ACCSL: variants seen among roughly 807,000 people sequenced by gnomAD.
ACCSL encodes 1-aminocyclopropane-1-carboxylate synthase homolog (inactive) like.
In ACCSL, 55 loss-of-function variants were observed where a neutral mutation model predicts 61.7. The observed-to-expected ratio is 0.89, with a 90% CI of 0.72 to 1.12. The LOEUF is 1.12. Among genes scored for constraint, ACCSL ranks in the 50% most tolerant of loss-of-function variants. The pLI is 0.00. For synonymous variants in ACCSL, 258 were observed against 264.3 expected (o/e 0.98, Z 0.23); for missense variants, 632 against 698.0 (o/e 0.91, Z 1.07).
upstream of ACCSL, among the ~76,000 whole-genome samples, chr11:44,045,159 C>T (rs1467483216): frequency 6.6e-6 from 1 of 152,126 alleles, no homozygotes; most frequent in East Asian, 1.9e-4. Flanking sequence ...TTTTTGGGAC[C>T]ATGCATGGTG....
the ACCSL span, chr11:43,943,542 TGA>T: frequency 7.6e-7 from 1 of 1,321,988 alleles, no homozygotes; most frequent in South Asian, 1.2e-5. This position sits in a 1 kb window ranked among gnomAD's most constrained non-coding sequence, Gnocchi z 4.8. Flanking sequence ...AACTCTGCTG[TGA>T]GTGTGTGCGG....
chr11:43,950,251 C>T, the ACCSL span, among the ~76,000 whole-genome samples: 2 of 152,172 alleles, frequency 1.3e-5, no homozygotes, highest in African/African-American at 4.8e-5. Context: ...TGTATAAAAC[C>T]AACCTGTGCC....
At chr11:44,010,546 T>A in the ACCSL span, among the ~76,000 whole-genome samples, 4 of 152,188 alleles carry the variant, frequency 2.6e-5, no homozygotes, top group East Asian at 7.7e-4. Flanking sequence ...GTGGATAACA[T>A]GGAAGAAAAA....
the ACCSL span, among the ~76,000 whole-genome samples, chr11:43,923,223 A>G: frequency 1.3e-5 from 2 of 152,178 alleles, no homozygotes; most frequent in Non-Finnish European, 2.9e-5. Flanking sequence ...GGTTTCAGAG[A>G]AAGTCTTGAC....
intron 7 of ACCSL, 23 bp from the exon 8 acceptor site, chr11:44,053,383 A>G: frequency 6.2e-7 from 1 of 1,604,822 alleles, no homozygotes; most frequent in Non-Finnish European, 8.5e-7. Flanking sequence ...GTATTCACTC[A>G]GTTATATTTG....
the ACCSL span, among the ~76,000 whole-genome samples, chr11:43,967,167 CTTTTTTTTTT>C: frequency 1.4e-4 from 9 of 62,706 alleles, 1 homozygote; most frequent in Admixed American, 1.1e-3. Flanking sequence ...TCTTCTTCTT[CTTTTTTTTTT>C]TTTTTTTTTT....
chr11:43,993,279 C>T, the ACCSL span, among the ~76,000 whole-genome samples: 1 of 152,088 alleles, frequency 6.6e-6, no homozygotes, highest in Non-Finnish European at 1.5e-5. Context: ...AGGGGTAACT[C>T]CGTGCATCCC....
the ACCSL span, chr11:43,943,684 C>T: frequency 7.7e-7 from 1 of 1,304,620 alleles, no homozygotes; most frequent in Non-Finnish European, 1.0e-6. This position sits in a 1 kb window ranked among gnomAD's most constrained non-coding sequence, Gnocchi z 4.8. Context: ...CACGCCAACA[C>T]TCTCGCTGAA....
At chr11:44,007,393 G>C in the ACCSL span, among the ~76,000 whole-genome samples, 1 of 152,206 alleles carries the variant, frequency 6.6e-6, no homozygotes, top group African/African-American at 2.4e-5. Context: ...GGCCCCACTT[G>C]GATGTGGAAT....
At chr11:44,028,226 G>T in the ACCSL span, among the ~76,000 whole-genome samples, 3 of 151,962 alleles carry the variant, frequency 2.0e-5, no homozygotes, top group Non-Finnish European at 4.4e-5. Flanking sequence ...TGGTGCAGGT[G>T]GTATGTTGTC....
At chr11:44,021,812 A>T in the ACCSL span, among the ~76,000 whole-genome samples, 1 of 152,064 alleles carries the variant, frequency 6.6e-6, no homozygotes, top group Non-Finnish European at 1.5e-5. Flanking sequence ...ACAGATGAGG[A>T]TCCAGTTTCA....
the ACCSL span, chr11:43,943,558 G>A: frequency 3.8e-6 from 5 of 1,317,170 alleles, no homozygotes; most frequent in Middle Eastern, 8.3e-4. The surrounding 1 kb of genome is among the most constrained non-coding windows in gnomAD (Gnocchi z 4.8). Context: ...TGTGCGGGGA[G>A]GCGCGCCCGC....
At chr11:44,005,668 G>A in the ACCSL span, among the ~76,000 whole-genome samples, 130,914 of 152,102 alleles carry the variant, frequency 0.86, 56,487 homozygotes, top group African/African-American at 0.91. Flanking sequence ...TTCCCCGGAC[G>A]TGCCCAGATT....
At chr11:43,998,869 C>T in the ACCSL span, among the ~76,000 whole-genome samples, 1 of 151,880 alleles carries the variant, frequency 6.6e-6, no homozygotes, top group Non-Finnish European at 1.5e-5. Context: ...AGGTGATCCT[C>T]CCACCTCAGC....
At chr11:44,028,497 C>T in the ACCSL span, among the ~76,000 whole-genome samples, 2 of 152,210 alleles carry the variant, frequency 1.3e-5, no homozygotes, top group African/African-American at 4.8e-5. Flanking sequence ...TAAACAGCTA[C>T]ATGTGACTAG....
chr11:43,936,525 AG>A, the ACCSL span, among the ~76,000 whole-genome samples: 1 of 148,488 alleles, frequency 6.7e-6, no homozygotes, highest in Non-Finnish European at 1.5e-5. Flanking sequence ...ACTGGCACCC[AG>A]GGGCATTGCT....
At chr11:43,985,780 C>T in the ACCSL span, among the ~76,000 whole-genome samples, 3 of 152,290 alleles carry the variant, frequency 2.0e-5, no homozygotes, top group Non-Finnish European at 4.4e-5. Flanking sequence ...TCAGGCTGGG[C>T]GCAGTGGCTC....
Position 44,059,221 on chromosome 11 carries a change from G to T in ACCSL, c.1624+522G>T, listed in dbSNP as rs1025885779. Among the ~76,000 whole-genome samples the T allele has an allele frequency of 2.0e-5, 3 of 152,254 alleles. No individual in the cohort carries two copies. The South Asian group carries it at 6.2e-4, about 32-fold the overall frequency. On this transcript the variant is annotated intron_variant, in intron 13 of 13. Transcript: ENST00000378832. ...TGCGCCACTGCACTCCAGCCTGGGC[G>T]ACAGAGTGAGACTGTTTCAAGAAAA... is the stretch of plus-strand genomic sequence containing the variant.
the ACCSL span, among the ~76,000 whole-genome samples, chr11:44,010,405 T>A: frequency 5.3e-5 from 8 of 152,328 alleles, no homozygotes; most frequent in South Asian, 1.0e-3. Flanking sequence ...GTACAGGCAT[T>A]ACTCTAGGTG....
Sources: allele counts gnomAD v4.1 joint callset (sites outside exome capture counted in the v4.1 genomes callset), GRCh38; gene constraint gnomAD v4.1.1; non-coding constraint Gnocchi (gnomAD v3.1); transcripts MANE v1.5; gene names NCBI Gene and HGNC (gene_info 2026-07-23, HGNC 2026-07-21).